The following PHC3 variants were observed in gnomAD, a reference collection of about 807,000 sequenced individuals.
PHC3 encodes polyhomeotic-like protein 3.
In PHC3, 13 loss-of-function variants were observed where a neutral mutation model predicts 107.4. The ratio of observed to expected loss-of-function variants is 0.12; its 90% CI spans 0.08 to 0.19. The LOEUF is 0.19. Ranked by LOEUF, PHC3 falls within the 10% of genes least tolerant of loss-of-function variation. The probability of loss-of-function intolerance (pLI) is 1.00; values close to 1 mark genes in which losing one functional copy is unlikely to be tolerated. For missense variants in PHC3, 992 were observed against 1,210.9 expected, an observed-to-expected ratio of 0.82 and a Z score of 2.68; for synonymous variants, 456 against 427.4, an observed-to-expected ratio of 1.07 and a Z score of -0.83.
intron 7 of PHC3, among the ~76,000 whole-genome samples, chr3:170,130,269 T>G (rs1277361658): frequency 2.0e-5 from 3 of 152,152 alleles, no homozygotes; most frequent in Non-Finnish European, 4.4e-5. Context: ...ATAAAAATAC[T>G]ATATTAAAAT....
chr3:170,127,166 A>G (rs117973573), intron 8 of PHC3, among the ~76,000 whole-genome samples: 7 of 152,156 alleles, frequency 4.6e-5, no homozygotes, highest in Non-Finnish European at 1.0e-4. Context: ...ACTGAATGAT[A>G]AACTTTTTAA....
At chr3:170,146,970 C>T (rs1289725338) in intron 5 of PHC3, among the ~76,000 whole-genome samples, 1 of 149,764 alleles carries the variant, frequency 6.7e-6, no homozygotes. Context: ...ACAACCTCTG[C>T]CTTCCGAGTT....
At chr3:170,163,060 T>A (rs1728148178) in intron 4 of PHC3, among the ~76,000 whole-genome samples, 1 of 152,212 alleles carries the variant, frequency 6.6e-6, no homozygotes, top group Non-Finnish European at 1.5e-5. Context: ...TGTTTAATGT[T>A]CGTCTATCCC....
At chr3:170,170,118 C>T (rs1729362299) in intron 4 of PHC3, 1 of 151,796 alleles carries the variant, frequency 6.6e-6, no homozygotes, top group Non-Finnish European at 1.5e-5. Flanking sequence ...ATGCTGACCA[C>T]AGCATGTAGT....
intron 5 of PHC3, chr3:170,148,603 A>C (rs920559539): frequency 6.5e-6 from 1 of 152,718 alleles, no homozygotes; most frequent in Admixed American, 6.5e-5. Flanking sequence ...CTGGGAGACT[A>C]TCCGGAACTC....
At chr3:170,104,403 T>C (rs1228688669) in intron 12 of PHC3, among the ~76,000 whole-genome samples, 1 of 152,168 alleles carries the variant, frequency 6.6e-6, no homozygotes, top group African/African-American at 2.4e-5. Context: ...TGCAGTTTCA[T>C]TTTTACATAT....
intron 1 of PHC3, among the ~76,000 whole-genome samples, chr3:170,181,370 G>C (rs1252587822): frequency 6.6e-6 from 1 of 152,104 alleles, no homozygotes; most frequent in African/African-American, 2.4e-5. Context: ...GGGCCCACTT[G>C]CAGGAATGAC....
intron 8 of PHC3, 172 bp downstream of exon 8, chr3:170,128,512 T>C: frequency 4.4e-6 from 5 of 1,144,742 alleles, no homozygotes; most frequent in Non-Finnish European, 6.0e-6. Flanking sequence ...AAACAAACAA[T>C]GGCATTTTTT....
Position 170,136,639 on chromosome 3 carries a change from C to T in PHC3, c.699G>A (p.Gln233=). ...TQVQNLTLRS[Q]KLGVLSSSQN... ...GTGAGCTAGATAATACACCCAACTT[C>T]TGGCTGCGTAATGTTAAATTCTGAA... The change falls in exon 7 of 15, where the codon CAG becomes CAA. Residue 233 remains glutamine (Q), a synonymous_variant. Coordinates refer to ENST00000495893, the MANE Select transcript of PHC3 (RefSeq NM_024947.4). 6.2e-7 allele frequency: 1 copy of T among 1,613,676 alleles called. No individual in the cohort carries two copies. Among genetic ancestry groups the T allele is most frequent in the Non-Finnish European group, 8.5e-7 (1 of 1,179,748 alleles).
chr3:170,156,897 G>A (rs1282436850), intron 4 of PHC3, among the ~76,000 whole-genome samples: 1 of 152,140 alleles, frequency 6.6e-6, no homozygotes, highest in Non-Finnish European at 1.5e-5. Context: ...ACCCTGCTGA[G>A]ACTACGTGTT....
chr3:170,144,542 A>C (rs1724650633), intron 6 of PHC3, among the ~76,000 whole-genome samples: 1 of 152,254 alleles, frequency 6.6e-6, no homozygotes, highest in East Asian at 1.9e-4. Flanking sequence ...GTTTCACTTT[A>C]AGAGGAACTG....
chr3:170,120,445 C>A (rs971695618), intron 9 of PHC3, among the ~76,000 whole-genome samples: 26 of 151,844 alleles, frequency 1.7e-4, no homozygotes, highest in Admixed American at 5.3e-4. Context: ...ATTAGCCAGG[C>A]GCCTGTAATC....
intron 9 of PHC3, among the ~76,000 whole-genome samples, chr3:170,118,431 A>G (rs1719476482): frequency 6.6e-6 from 1 of 151,990 alleles, no homozygotes; most frequent in Non-Finnish European, 1.5e-5. Context: ...TATTTTTTTG[A>G]GACGGAGTCT....
chr3:170,169,384 T>A (rs575605642), intron 4 of PHC3, among the ~76,000 whole-genome samples: 2 of 152,322 alleles, frequency 1.3e-5, no homozygotes, highest in South Asian at 4.2e-4. Flanking sequence ...ACTTAAGAGA[T>A]CTGTTACCAT....
chr3:170,160,454 A>G (rs1311779858), intron 4 of PHC3, among the ~76,000 whole-genome samples: 1 of 152,222 alleles, frequency 6.6e-6, no homozygotes, highest in Non-Finnish European at 1.5e-5. Context: ...GTACCACCAG[A>G]GCAAGCAGCA....
intron 4 of PHC3, among the ~76,000 whole-genome samples, chr3:170,157,529 G>C (rs906661816): frequency 6.6e-6 from 1 of 152,108 alleles, no homozygotes; most frequent in Non-Finnish European, 1.5e-5. Context: ...TTTTGGAAAA[G>C]GCTTCTACAC....
intron 11 of PHC3, among the ~76,000 whole-genome samples, chr3:170,109,826 T>G (rs1431591842): frequency 2.0e-5 from 3 of 152,148 alleles, no homozygotes; most frequent in Non-Finnish European, 4.4e-5. Flanking sequence ...ACCAGAGGTT[T>G]TTTATGTTGA....
At chr3:170,145,374 C>T (rs375067688) in intron 6 of PHC3, 49 bp downstream of exon 6, 1 of 1,492,846 alleles carries the variant, frequency 6.7e-7, no homozygotes, top group Non-Finnish European at 9.2e-7. Context: ...TAACTTTAAC[C>T]TGAAGATCCA....
At chr3:170,166,250 G>A (rs902226090) in intron 4 of PHC3, among the ~76,000 whole-genome samples, 1 of 151,898 alleles carries the variant, frequency 6.6e-6, no homozygotes. Context: ...CACCATGTTG[G>A]CCAGGCTGGT....
Sources: allele counts gnomAD v4.1 joint callset (sites outside exome capture counted in the v4.1 genomes callset), GRCh38; gene constraint gnomAD v4.1.1; transcripts MANE v1.5; gene names NCBI Gene and HGNC (gene_info 2026-07-23, HGNC 2026-07-21).